The following ARHGEF26 variants were observed in gnomAD, a reference collection of about 807,000 sequenced individuals.
ARHGEF26 encodes the protein Rho guanine nucleotide exchange factor 26.
In ARHGEF26, 59 loss-of-function variants were observed where a neutral mutation model predicts 89.4. The observed-to-expected ratio is 0.66, with a 90% confidence interval of 0.54 to 0.82. The LOEUF (loss-of-function observed/expected upper bound fraction) is 0.82, where lower values mean the gene tolerates loss of function less well. ARHGEF26 is among the 40% of genes least tolerant of loss of function. The pLI is 0.00. For missense variants in ARHGEF26, 1,234 were observed against 1,085.6 expected (o/e 1.14, Z -1.92); for synonymous variants, 500 against 428.4 (o/e 1.17, Z -2.06).
At chr3:154,231,503 G>C (rs1716819751) in intron 11 of ARHGEF26, among the ~76,000 whole-genome samples, 1 of 152,090 alleles carries the variant, frequency 6.6e-6, no homozygotes, top group Admixed American at 6.6e-5. Context: ...ATGAGATAAT[G>C]CACATAAAGC....
intron 10 of ARHGEF26, among the ~76,000 whole-genome samples, chr3:154,220,611 A>G (rs936062703): frequency 2.0e-5 from 3 of 152,184 alleles, no homozygotes; most frequent in African/African-American, 7.2e-5. Flanking sequence ...GGGTGGAGCT[A>G]CAGTAGCAGG....
chr3:154,239,297 AGAGT>A (rs1255065596), intron 11 of ARHGEF26, among the ~76,000 whole-genome samples: 7 of 53,020 alleles, frequency 1.3e-4, no homozygotes, highest in Admixed American at 1.9e-4. Flanking sequence ...AGAGAGAGAG[AGAGT>A]GTGTGTGTGT....
intron 6 of ARHGEF26, among the ~76,000 whole-genome samples, chr3:154,169,581 C>T (rs1240202400): frequency 6.6e-6 from 1 of 152,088 alleles, no homozygotes; most frequent in Non-Finnish European, 1.5e-5. Flanking sequence ...TACAAGAAGG[C>T]TGTGGTGTCT....
rs117761972 is a variant in ARHGEF26 at position 154,166,145 on chromosome 3, G to A, written c.1487+13213G>A. Among the ~76,000 whole-genome samples, 193 of 152,186 alleles carry A rather than the reference G, an allele frequency of 1.3e-3. 5 individuals carry two copies. In the East Asian group the frequency reaches 0.028, roughly 22 times the overall value. On this transcript the variant is annotated intron_variant, in intron 6 of 14. Transcript: ENST00000465093. ...CAGCCTCTGCCTTCCATGTTCAAGC[G>A]ATTCTCCTGCCTCAGTAGGAGAATC...
rs73010610 is a variant in ARHGEF26, at chr3:154,128,840, C to T, written c.1124-734C>T. Among the ~76,000 whole-genome samples the T allele has an allele frequency of 3.5e-3, 539 of 152,316 alleles. 4 individuals are homozygous for T. The highest frequency in any genetic ancestry group is 0.012 in the African/African-American group (512 of 41,560). On this transcript the variant is annotated intron_variant, in intron 3 of 14. Coordinates refer to ENST00000465093, the MANE Select transcript of ARHGEF26 (RefSeq NM_015595.4). ...ACCCTACTTAACATCTACATGCCCT[C>T]CTCCCAGCGCTTTCTACCCCCCTTC...
chr3:154,186,281 C>T (rs2108173877), intron 6 of ARHGEF26, among the ~76,000 whole-genome samples: 1 of 152,184 alleles, frequency 6.6e-6, no homozygotes, highest in Non-Finnish European at 1.5e-5. Flanking sequence ...ATGTTCATAG[C>T]AGCATTATTC....
chr3:154,185,529 C>T (rs1045237067), intron 6 of ARHGEF26, among the ~76,000 whole-genome samples: 3 of 152,100 alleles, frequency 2.0e-5, no homozygotes, highest in African/African-American at 7.2e-5. Context: ...AGGATTGTTA[C>T]AGGGCAAGGC....
At chr3:154,249,391 C>T (rs1717985726) in intron 12 of ARHGEF26, among the ~76,000 whole-genome samples, 1 of 152,204 alleles carries the variant, frequency 6.6e-6, no homozygotes, top group African/African-American at 2.4e-5. Context: ...AAGGTGCTAC[C>T]ATAGCTGATA....
chr3:154,147,028 C>T (rs764501762), intron 4 of ARHGEF26, among the ~76,000 whole-genome samples: 15 of 152,292 alleles, frequency 9.8e-5, no homozygotes, highest in Non-Finnish European at 2.2e-4. Context: ...GTTGCTTTGG[C>T]TGTCTGTGTG....
At chr3:154,166,293 G>A (rs544094083) in intron 6 of ARHGEF26, among the ~76,000 whole-genome samples, 12 of 152,166 alleles carry the variant, frequency 7.9e-5, no homozygotes, top group African/African-American at 2.6e-4. Flanking sequence ...CTCATGATCC[G>A]CCCGCCTTGG....
intron 10 of ARHGEF26, 133 bp downstream of exon 10, chr3:154,218,091 A>AGAT: frequency 3.8e-6 from 3 of 779,978 alleles, no homozygotes; most frequent in Non-Finnish European, 6.1e-6. Flanking sequence ...AGGGAGTAGC[A>AGAT]GATGCTTCAG....
At chr3:154,146,992 G>A (rs1265519820) in intron 4 of ARHGEF26, among the ~76,000 whole-genome samples, 1 of 152,190 alleles carries the variant, frequency 6.6e-6, no homozygotes, top group Non-Finnish European at 1.5e-5. Flanking sequence ...ATTTAAACCA[G>A]TGAGGAATAA....
chr3:154,163,192 A>G (rs114211514), intron 6 of ARHGEF26, among the ~76,000 whole-genome samples: 3,391 of 152,324 alleles, frequency 0.022, 112 homozygotes, highest in African/African-American at 0.078. Context: ...TTTGACCAGA[A>G]ATATCCTGTA....
At position 154,122,585 on chromosome 3, in the gene ARHGEF26, C is replaced by A. The variant is rs1008769557; in HGVS notation, c.593C>A (p.Pro198His). Residue 198 changes from proline (P) to histidine (H), a missense_variant, in exon 2 of 15, where the codon CCC (proline) becomes CAC (histidine). By Grantham distance (77) the Pro-to-His change is moderately conservative. Coordinates refer to ENST00000465093, the MANE Select transcript of ARHGEF26 (RefSeq NM_015595.4). ...GSQSGRKAKD[P>H]ERGLFPGPQK... ...CAGTCCGGCCGGAAGGCAAAGGACC[C>A]CGAACGGGGGCTCTTTCCTGGGCCC... is the stretch of plus-strand genomic sequence containing the variant. The A allele has an allele frequency of 3.1e-6, 5 of 1,613,488 alleles. No homozygotes were observed. The highest frequency in any genetic ancestry group is 4.2e-6 in the Non-Finnish European group (5 of 1,179,894).
intron 3 of ARHGEF26, among the ~76,000 whole-genome samples, chr3:154,126,299 A>G (rs532310378): frequency 1.3e-5 from 2 of 152,238 alleles, no homozygotes; most frequent in South Asian, 2.1e-4. Flanking sequence ...CAAACTCAAA[A>G]TGCCCCAAAC....
intron 9 of ARHGEF26, among the ~76,000 whole-genome samples, chr3:154,201,969 A>G (rs1714671955): frequency 6.6e-6 from 1 of 151,690 alleles, no homozygotes; most frequent in Non-Finnish European, 1.5e-5. Context: ...GTTCACTCTG[A>G]TGGTAGTTTC....
Position 154,254,825 on chromosome 3 carries a change from G to A in ARHGEF26, c.2473+1G>A, listed in dbSNP as rs1284059610. 6.2e-7 allele frequency: 1 copy of A among 1,613,110 alleles called. No individual in the cohort carries two copies. The highest frequency in any genetic ancestry group is 1.1e-5 in the South Asian group (1 of 91,054). ...CTCATCTATCAACGTGTCAGCGATG[G>A]TGAGTGGGAGCGTTCTTATGGGACA... On this transcript the variant is annotated splice_donor_variant, in intron 14 of 14. Transcript: ENST00000465093. LOFTEE classifies it high-confidence loss of function.
chr3:154,158,274 A>G (rs1711502111), intron 6 of ARHGEF26, among the ~76,000 whole-genome samples: 1 of 152,246 alleles, frequency 6.6e-6, no homozygotes, highest in Admixed American at 6.5e-5. Flanking sequence ...GAGGAATTGC[A>G]CAGTGTGCAT....
chr3:154,188,652 A>T (rs190359548), intron 7 of ARHGEF26, among the ~76,000 whole-genome samples: 63 of 152,224 alleles, frequency 4.1e-4, no homozygotes, highest in African/African-American at 1.5e-3. Flanking sequence ...GAGTTGTGGC[A>T]TTTATGACCA....
Sources: gnomAD v4.1 joint callset for allele counts (sites outside exome capture counted in the v4.1 genomes callset) on GRCh38, gnomAD v4.1.1 for gene constraint, MANE v1.5 for transcripts, NCBI Gene and HGNC (gene_info 2026-07-23, HGNC 2026-07-21) for gene names.